Variants in SFXN5 observed in about 807,000 individuals in gnomAD.
SFXN5 encodes sideroflexin-5.
Under a neutral mutation model 50.2 loss-of-function variants are expected in SFXN5, and 43 were observed. That is an observed-to-expected ratio of 0.86 (90% confidence interval 0.67 to 1.11). The LOEUF is 1.11. Ranked by LOEUF, SFXN5 falls within the 50% of genes least tolerant of loss-of-function variation. The pLI is 0.00. For synonymous variants in SFXN5, 203 were observed against 185.8 expected (o/e 1.09, Z -0.75); for missense variants, 463 against 454.1 (o/e 1.02, Z -0.18).
At chr2:73,012,059 C>T (rs1390032360) in intron 6 of SFXN5, among the ~76,000 whole-genome samples, 1 of 152,102 alleles carries the variant, frequency 6.6e-6, no homozygotes, top group African/African-American at 2.4e-5. Flanking sequence ...GTTATGGAGG[C>T]AAACTGCTAA....
At chr2:73,044,788 C>T (rs559845446) in intron 2 of SFXN5, among the ~76,000 whole-genome samples, 1 of 152,370 alleles carries the variant, frequency 6.6e-6, no homozygotes, top group South Asian at 2.1e-4. Flanking sequence ...CCATGAGAGT[C>T]CCTCCATGTA....
intron 1 of SFXN5, among the ~76,000 whole-genome samples, chr2:73,068,310 T>G (rs1009151931): frequency 6.6e-6 from 1 of 152,184 alleles, no homozygotes; most frequent in African/African-American, 2.4e-5. Context: ...CAAGGTACTA[T>G]GAGCATATAT....
intron 1 of SFXN5, among the ~76,000 whole-genome samples, chr2:73,069,865 A>T (rs1449436877): frequency 6.6e-6 from 1 of 152,214 alleles, no homozygotes; most frequent in Non-Finnish European, 1.5e-5. Context: ...TCGGCACATT[A>T]CTATATGCCT....
chr2:72,951,563 C>T (rs1279438816), intron 13 of SFXN5, among the ~76,000 whole-genome samples: 1 of 152,168 alleles, frequency 6.6e-6, no homozygotes, highest in Non-Finnish European at 1.5e-5. Flanking sequence ...AGATAGTTTA[C>T]ATATTTGAAC....
rs1183230736 is a variant in SFXN5 at position 72,953,253 on chromosome 2, G to A, written c.945+7878C>T. 2.0e-5 allele frequency among the ~76,000 whole-genome samples: 3 copies of A among 152,122 alleles called. No homozygotes were observed. The highest frequency in any genetic ancestry group is 6.5e-5 in the Admixed American group (1 of 15,288). On this transcript the variant is annotated intron_variant, in intron 13 of 13. Coordinates refer to ENST00000272433, the MANE Select transcript of SFXN5 (RefSeq NM_144579.3). This position sits in a 1 kb window ranked among gnomAD's most constrained non-coding sequence, Gnocchi z 4.1. ...GGCAAACTCCAAGAAAGCAGCGGGC[G>A]GGGAGGCAGCAGATTTCTGACGGCA...
intron 13 of SFXN5, among the ~76,000 whole-genome samples, chr2:72,948,974 A>G (rs138580817): frequency 1.1e-3 from 172 of 152,298 alleles, no homozygotes; most frequent in African/African-American, 4.0e-3. Flanking sequence ...TGGAGTCCAG[A>G]GAGACAAGCA....
At chr2:73,023,273 T>G in intron 3 of SFXN5, 59 bp from the exon 4 acceptor site, 4 of 1,509,228 alleles carry the variant, frequency 2.7e-6, no homozygotes, top group South Asian at 1.2e-5. Flanking sequence ...ATATATCGGT[T>G]TAAGGCTTCC....
At chr2:73,031,827 C>G (rs991115996) in intron 3 of SFXN5, among the ~76,000 whole-genome samples, 4 of 152,304 alleles carry the variant, frequency 2.6e-5, no homozygotes, top group Non-Finnish European at 4.4e-5. Flanking sequence ...CTTACATAGC[C>G]TGCCTGTGCA....
chr2:73,006,605 G>C (rs1158525476), intron 6 of SFXN5, among the ~76,000 whole-genome samples: 1 of 150,706 alleles, frequency 6.6e-6, no homozygotes, highest in African/African-American at 2.4e-5. Context: ...CTGGGCGACA[G>C]AGCCCAAAGA....
chr2:73,008,460 C>T lies in SFXN5; in HGVS notation c.358-6882G>A, dbSNP rs531640253. Among the ~76,000 whole-genome samples the T allele has an allele frequency of 6.0e-4, 92 of 152,216 alleles. 1 individual carries two copies. The Middle Eastern group carries it at 0.01, about 17-fold the overall frequency. ...CCCAGGCCCATGAGGGAAACCCAGG[C>T]CCTGGCATCCGAGGCATTCCGCAGC... On this transcript the variant is annotated intron_variant, in intron 6 of 13. Transcript: ENST00000272433.
intron 13 of SFXN5, among the ~76,000 whole-genome samples, chr2:72,951,044 G>A (rs1573930807): frequency 1.3e-5 from 2 of 151,810 alleles, no homozygotes; most frequent in Admixed American, 1.3e-4. Context: ...GCTCCCGAGG[G>A]AGGGGGTGTC....
chr2:73,004,134 T>C (rs1228970899), intron 6 of SFXN5, among the ~76,000 whole-genome samples: 1 of 152,180 alleles, frequency 6.6e-6, no homozygotes, highest in African/African-American at 2.4e-5. Flanking sequence ...GTCTCCTGGT[T>C]CCTGGCTTGG....
Position 72,983,240 on chromosome 2 carries a change from G to A in SFXN5, c.625+5018C>T, listed in dbSNP as rs191559753. ...AAGGGGGCATGGACGTCAGGGAACA[G>A]GTTTGCCACACCTGTGAATGAACAG... is the stretch of plus-strand genomic sequence containing the variant. On this transcript the variant is annotated intron_variant, in intron 10 of 13. Transcript: ENST00000272433. Among the ~76,000 whole-genome samples the A allele has an allele frequency of 5.9e-5, 9 of 152,312 alleles. No homozygotes were observed. In the East Asian group the frequency reaches 1.7e-3, roughly 29 times the overall value.
At chr2:73,065,124 C>T (rs1469479244) in intron 1 of SFXN5, among the ~76,000 whole-genome samples, 1 of 151,504 alleles carries the variant, frequency 6.6e-6, no homozygotes, top group Non-Finnish European at 1.5e-5. Context: ...CTTTCTGAGA[C>T]AGGGTCTCAC....
At chr2:72,998,672 C>G in intron 9 of SFXN5, 1 of 459,804 alleles carries the variant, frequency 2.2e-6, no homozygotes, top group Non-Finnish European at 3.9e-6. Context: ...GAGTGCTGGG[C>G]AACCGCAGCC....
chr2:72,993,326 T>C (rs969891432), intron 9 of SFXN5, among the ~76,000 whole-genome samples: 3 of 152,158 alleles, frequency 2.0e-5, no homozygotes, highest in Non-Finnish European at 4.4e-5. Context: ...GGAGGTCAAT[T>C]GTTCCCCAAC....
At chr2:73,035,192 C>T (rs903841983) in intron 3 of SFXN5, among the ~76,000 whole-genome samples, 2 of 152,166 alleles carry the variant, frequency 1.3e-5, no homozygotes, top group Non-Finnish European at 2.9e-5. Flanking sequence ...ATGCAGCGAG[C>T]GGTGGCTCAC....
chr2:73,050,904 C>G (rs1195806232), intron 2 of SFXN5, among the ~76,000 whole-genome samples: 1 of 152,156 alleles, frequency 6.6e-6, no homozygotes, highest in Non-Finnish European at 1.5e-5. Context: ...GCTCTTCTTA[C>G]GTTTTACTAT....
At chr2:73,010,571 G>A (rs1675379668) in intron 6 of SFXN5, among the ~76,000 whole-genome samples, 1 of 152,156 alleles carries the variant, frequency 6.6e-6, no homozygotes, top group Non-Finnish European at 1.5e-5. Flanking sequence ...TTAAGCCACT[G>A]TTATTTTGGA....
Sources: gnomAD v4.1 joint callset for allele counts (sites outside exome capture counted in the v4.1 genomes callset) on GRCh38, gnomAD v4.1.1 for gene constraint, Gnocchi (gnomAD v3.1) non-coding constraint, MANE v1.5 for transcripts, NCBI Gene and HGNC (gene_info 2026-07-23, HGNC 2026-07-21) for gene names.